TCERG1L: variants seen among roughly 807,000 people sequenced by gnomAD.
TCERG1L encodes the protein transcription elongation regulator 1-like protein.
A neutral mutation model predicts 56.3 loss-of-function variants in TCERG1L; 37 were observed. The observed-to-expected ratio is 0.66, with a 90% CI of 0.51 to 0.87. The LOEUF is 0.87. TCERG1L is among the 40% of genes least tolerant of loss of function. The pLI, the probability that TCERG1L is intolerant of heterozygous loss-of-function variation, is 0.00. For synonymous variants in TCERG1L, 324 were observed against 326.3 expected (o/e 0.99, Z 0.08); for missense variants, 799 against 774.2 (o/e 1.03, Z -0.38).
intron 4 of TCERG1L, among the ~76,000 whole-genome samples, chr10:131,221,399 G>C (rs1845730548): frequency 6.6e-6 from 1 of 152,254 alleles, no homozygotes; most frequent in South Asian, 2.1e-4. Flanking sequence ...TGGGAGGTGG[G>C]TGGGAAAGGT....
Position 131,163,774 on chromosome 10 carries a change from C to T in TCERG1L, c.946-564G>A, listed in dbSNP as rs529800272. Among the ~76,000 whole-genome samples the T allele has an allele frequency of 1.1e-4, 17 of 152,262 alleles. No homozygotes were observed. The East Asian group carries it at 1.5e-3, about 14-fold the overall frequency. ...GGGGGCAGGGCTCATGGGGCTGTTCCGCATCCTGGGGATGATTCTGATTCT... is the reference window on the plus strand; with the variant it reads ...GGGGGCAGGGCTCATGGGGCTGTTCTGCATCCTGGGGATGATTCTGATTCT... On this transcript the variant is annotated intron_variant, in intron 5 of 11. Transcript: ENST00000368642.
intron 5 of TCERG1L, among the ~76,000 whole-genome samples, chr10:131,165,168 G>A (rs990766206): frequency 6.6e-6 from 1 of 152,234 alleles, no homozygotes; most frequent in Non-Finnish European, 1.5e-5. Context: ...GAGTGAAGCT[G>A]CGTCTTGGTG....
At chr10:131,302,120 T>C (rs1342438816) in intron 3 of TCERG1L, among the ~76,000 whole-genome samples, 1 of 152,074 alleles carries the variant, frequency 6.6e-6, no homozygotes, top group African/African-American at 2.4e-5. Flanking sequence ...TTGCGAGGCA[T>C]AAATTGCTTC....
chr10:131,304,891 G>A (rs1051108736), intron 3 of TCERG1L, among the ~76,000 whole-genome samples: 1 of 151,972 alleles, frequency 6.6e-6, no homozygotes, highest in Admixed American at 6.5e-5. Flanking sequence ...TCACCCCACA[G>A]GTCTCATGTG....
chr10:131,258,945 A>T (rs977818192), intron 4 of TCERG1L, among the ~76,000 whole-genome samples: 3 of 152,208 alleles, frequency 2.0e-5, no homozygotes, highest in African/African-American at 7.2e-5. Flanking sequence ...AGTAGGTTTA[A>T]CCAAACTCTT....
intron 7 of TCERG1L, among the ~76,000 whole-genome samples, chr10:131,143,634 G>C (rs917896706): frequency 2.0e-5 from 3 of 152,168 alleles, no homozygotes; most frequent in African/African-American, 7.2e-5. Context: ...TGCAGGCGAA[G>C]ACAGCGAGAG....
chr10:131,097,535 G>GA (rs1201172689), intron 11 of TCERG1L, among the ~76,000 whole-genome samples: 11 of 152,080 alleles, frequency 7.2e-5, no homozygotes, highest in Admixed American at 7.2e-4. Flanking sequence ...TTTTAGTAGA[G>GA]ACAGGGTTTC....
chr10:131,115,257 G>A (rs1162437182), intron 9 of TCERG1L, among the ~76,000 whole-genome samples: 3 of 152,214 alleles, frequency 2.0e-5, no homozygotes, highest in East Asian at 1.9e-4. Context: ...TCACCCGGCA[G>A]CACCTCCCCT....
At chr10:131,248,285 A>ACACACACACACGACT (rs1846063977) in intron 4 of TCERG1L, among the ~76,000 whole-genome samples, 1 of 151,724 alleles carries the variant, frequency 6.6e-6, no homozygotes, top group African/African-American at 2.4e-5. Flanking sequence ...CACAGGACAC[A>ACACACACACACGACT]CACACACACA....
At chr10:131,303,074 G>A (rs11017869) in intron 3 of TCERG1L, among the ~76,000 whole-genome samples, 15,014 of 151,992 alleles carry the variant, frequency 0.099, 972 homozygotes, top group East Asian at 0.22. Flanking sequence ...CATGAACAGT[G>A]CTGCAGTAAA....
intron 3 of TCERG1L, among the ~76,000 whole-genome samples, chr10:131,294,839 T>C (rs1246495231): frequency 7.0e-6 from 1 of 142,504 alleles, no homozygotes; most frequent in African/African-American, 2.9e-5. Flanking sequence ...TTTTAAGCCT[T>C]TTTTTTTTTA....
chr10:131,180,960 C>G (rs1845168805), intron 4 of TCERG1L, among the ~76,000 whole-genome samples: 2 of 152,198 alleles, frequency 1.3e-5, no homozygotes, highest in Admixed American at 1.3e-4. Context: ...AGGGAAGTCG[C>G]ATCCCTGGTG....
intron 6 of TCERG1L, among the ~76,000 whole-genome samples, chr10:131,150,793 G>A (rs4436470): frequency 0.82 from 125,195 of 152,164 alleles, 53,021 homozygotes; most frequent in South Asian, 0.93. Flanking sequence ...TCACATTGCT[G>A]TAAGGAGATA....
At chr10:131,283,009 A>C (rs1846478896) in intron 3 of TCERG1L, among the ~76,000 whole-genome samples, 1 of 152,212 alleles carries the variant, frequency 6.6e-6, no homozygotes, top group African/African-American at 2.4e-5. Flanking sequence ...TGAGTTGCGT[A>C]ATTTGAGGGT....
At chr10:131,226,882 C>T (rs999410374) in intron 4 of TCERG1L, among the ~76,000 whole-genome samples, 1 of 152,154 alleles carries the variant, frequency 6.6e-6, no homozygotes, top group Non-Finnish European at 1.5e-5. Flanking sequence ...CCTGCTTCAA[C>T]CAAAAAACAC....
chr10:131,126,720 T>C (rs1291556279), intron 8 of TCERG1L, among the ~76,000 whole-genome samples: 2 of 152,230 alleles, frequency 1.3e-5, no homozygotes, highest in African/African-American at 4.8e-5. Context: ...TCTCCTCATG[T>C]GGGAACTCAC....
At chr10:131,223,593 C>T (rs1845759074) in intron 4 of TCERG1L, among the ~76,000 whole-genome samples, 1 of 152,080 alleles carries the variant, frequency 6.6e-6, no homozygotes, top group Non-Finnish European at 1.5e-5. Context: ...CACATGTGTG[C>T]ACACTCACCC....
intron 4 of TCERG1L, among the ~76,000 whole-genome samples, chr10:131,176,246 A>G (rs901475639): frequency 6.6e-6 from 1 of 150,514 alleles, no homozygotes; most frequent in East Asian, 1.9e-4. Flanking sequence ...CCGTGCACAC[A>G]CACAGAGACG....
At chr10:131,203,336 A>G (rs1845466836) in intron 4 of TCERG1L, among the ~76,000 whole-genome samples, 1 of 150,560 alleles carries the variant, frequency 6.6e-6, no homozygotes, top group South Asian at 2.1e-4. Flanking sequence ...GACTTCCAGT[A>G]TGTCACAGTG....
Sources: allele counts gnomAD v4.1 joint callset (sites outside exome capture counted in the v4.1 genomes callset), GRCh38; gene constraint gnomAD v4.1.1; transcripts MANE v1.5; gene names NCBI Gene and HGNC (gene_info 2026-07-23, HGNC 2026-07-21).